PDE4D: variants seen among roughly 807,000 people sequenced by gnomAD.
PDE4D encodes 3',5'-cyclic-AMP phosphodiesterase 4D.
In PDE4D, 24 loss-of-function variants were observed where a neutral mutation model predicts 87.4. The observed-to-expected ratio is 0.27, with a 90% confidence interval of 0.20 to 0.39. The LOEUF (loss-of-function observed/expected upper bound fraction) is 0.39. PDE4D is among the 10% of genes least tolerant of loss of function. The pLI is 1.00. For synonymous variants in PDE4D, 384 were observed against 383.2 expected, an observed-to-expected ratio of 1.00 and a Z score of -0.02; for missense variants, 714 against 1,041.0, an observed-to-expected ratio of 0.69 and a Z score of 4.32.
intron 1 of PDE4D, among the ~76,000 whole-genome samples, chr5:60,327,175 C>G (rs1029349304): frequency 2.3e-4 from 35 of 152,092 alleles, no homozygotes; most frequent in Admixed American, 2.2e-3. Flanking sequence ...TTACATGACA[C>G]AGGAGCCCTC....
chr5:59,356,673 G>A, intron 1 of PDE4D: 2 of 1,060,558 alleles, frequency 1.9e-6, no homozygotes, highest in Middle Eastern at 2.0e-4. Context: ...GGAGTTAGAA[G>A]GTCAACATAG....
At chr5:60,227,349 G>A (rs539524907) in intron 1 of PDE4D, among the ~76,000 whole-genome samples, 20 of 152,006 alleles carry the variant, frequency 1.3e-4, no homozygotes. Flanking sequence ...ATGTAAAAAG[G>A]ATAGTGAGAA....
chr5:59,005,156 C>T (rs1437837370), intron 6 of PDE4D, among the ~76,000 whole-genome samples: 1 of 152,152 alleles, frequency 6.6e-6, no homozygotes, highest in East Asian at 1.9e-4. Context: ...GATAATACTC[C>T]TTGTCTTAAA....
chr5:59,916,944 T>C (rs984649244), intron 3 of PDE4D, among the ~76,000 whole-genome samples: 1 of 146,538 alleles, frequency 6.8e-6, no homozygotes, highest in Admixed American at 6.8e-5. Context: ...TGCACCACCA[T>C]GCCCGGCTAA....
At chr5:59,794,412 T>A (rs1766214427) in intron 1 of PDE4D, among the ~76,000 whole-genome samples, 1 of 152,148 alleles carries the variant, frequency 6.6e-6, no homozygotes, top group African/African-American at 2.4e-5. Flanking sequence ...AGATGCCATC[T>A]GTGAGGCTGG....
At chr5:60,280,845 T>C (rs180953190) in intron 1 of PDE4D, among the ~76,000 whole-genome samples, 2 of 152,330 alleles carry the variant, frequency 1.3e-5, no homozygotes, top group Admixed American at 6.5e-5. Flanking sequence ...ATTAAAAATA[T>C]GTTTATTATC....
At chr5:60,339,076 A>G (rs540638457) in intron 1 of PDE4D, among the ~76,000 whole-genome samples, 2 of 152,330 alleles carry the variant, frequency 1.3e-5, no homozygotes, top group African/African-American at 2.4e-5. Context: ...TTTGCAGATC[A>G]AGGTGCAACA....
chr5:59,550,847 C>A (rs558640986), intron 1 of PDE4D, among the ~76,000 whole-genome samples: 227 of 152,190 alleles, frequency 1.5e-3, no homozygotes, highest in African/African-American at 5.4e-3. Context: ...CAGGCACGTG[C>A]CACCACACCT....
chr5:59,083,709 C>T (rs952332415), intron 5 of PDE4D, among the ~76,000 whole-genome samples: 3 of 152,006 alleles, frequency 2.0e-5, no homozygotes, highest in African/African-American at 7.2e-5. Context: ...TTCATTGTCT[C>T]TGTTTCTTCT....
intron 1 of PDE4D, among the ~76,000 whole-genome samples, chr5:59,292,602 C>T (rs181122122): frequency 1.1e-4 from 17 of 152,210 alleles, no homozygotes; most frequent in Non-Finnish European, 2.2e-4. Flanking sequence ...AAACTCAGCA[C>T]ATAAGTTTTT....
chr5:60,033,720 G>A (rs752607480), intron 2 of PDE4D, among the ~76,000 whole-genome samples: 102 of 152,242 alleles, frequency 6.7e-4, no homozygotes, highest in Non-Finnish European at 1.2e-3. Context: ...TGGGGTTTTT[G>A]AAGAGGAACA....
At chr5:59,244,642 A>G (rs1019369671) in intron 1 of PDE4D, among the ~76,000 whole-genome samples, 3 of 144,264 alleles carry the variant, frequency 2.1e-5, no homozygotes, top group Admixed American at 7.3e-5. Context: ...ACATATATAC[A>G]TATATATGTA....
At chr5:60,214,318 C>T (rs576157023) in intron 1 of PDE4D, among the ~76,000 whole-genome samples, 168 of 152,314 alleles carry the variant, frequency 1.1e-3, no homozygotes, top group African/African-American at 3.9e-3. Context: ...CTATTTTCTC[C>T]AGCAAATTCA....
chr5:60,427,298 G>A (rs1330829980), intron 1 of PDE4D, among the ~76,000 whole-genome samples: 1 of 152,126 alleles, frequency 6.6e-6, no homozygotes, highest in Non-Finnish European at 1.5e-5. Flanking sequence ...GAAATATTAA[G>A]GGCATCCAGA....
At chr5:60,315,747 C>T (rs1017126293) in intron 1 of PDE4D, among the ~76,000 whole-genome samples, 6 of 152,270 alleles carry the variant, frequency 3.9e-5, no homozygotes, top group African/African-American at 1.4e-4. Context: ...ATAGGGAATC[C>T]TTTCCCCATT....
intron 5 of PDE4D, among the ~76,000 whole-genome samples, chr5:59,088,873 C>T (rs1389588141): frequency 6.6e-6 from 1 of 152,144 alleles, no homozygotes; most frequent in Non-Finnish European, 1.5e-5. Context: ...ATAATCTGTA[C>T]TACAAACCCC....
chr5:59,620,737 A>G (rs892145597), intron 1 of PDE4D, among the ~76,000 whole-genome samples: 2 of 152,114 alleles, frequency 1.3e-5, no homozygotes, highest in Non-Finnish European at 2.9e-5. Flanking sequence ...AAGATTGAGA[A>G]CCACAGAACT....
At chr5:60,374,934 C>T (rs997112597) in intron 1 of PDE4D, among the ~76,000 whole-genome samples, 1 of 151,936 alleles carries the variant, frequency 6.6e-6, no homozygotes. Context: ...TACAGTGCAA[C>T]AAATAAATGC....
intron 5 of PDE4D, among the ~76,000 whole-genome samples, chr5:59,080,394 C>T (rs951117890): frequency 1.3e-5 from 2 of 152,182 alleles, no homozygotes; most frequent in African/African-American, 4.8e-5. Context: ...ACATAATGGC[C>T]TGCTCCTAGA....
Sources: gnomAD v4.1 joint callset for allele counts (sites outside exome capture counted in the v4.1 genomes callset) on GRCh38, gnomAD v4.1.1 for gene constraint, MANE v1.5 for transcripts, NCBI Gene and HGNC (gene_info 2026-07-23, HGNC 2026-07-21) for gene names.